The following MAPKAPK3 variants were observed in gnomAD, a reference collection of about 807,000 sequenced individuals.
MAPKAPK3 encodes MAP kinase-activated protein kinase 3.
MAPKAPK3 carries 35 observed loss-of-function variants against 49.2 expected under a neutral mutation model. The ratio of observed to expected loss-of-function variants is 0.71; its 90% CI spans 0.54 to 0.94. The LOEUF (loss-of-function observed/expected upper bound fraction) is 0.94. MAPKAPK3 is among the 40% of genes least tolerant of loss of function. The pLI, the probability that MAPKAPK3 is intolerant of heterozygous loss-of-function variation, is 0.00. For synonymous variants in MAPKAPK3, 178 were observed against 188.7 expected, an observed-to-expected ratio of 0.94 and a Z score of 0.46; for missense variants, 398 against 493.1, an observed-to-expected ratio of 0.81 and a Z score of 1.83.
At chr3:50,615,322 T>C (rs939019811), upstream of MAPKAPK3, among the ~76,000 whole-genome samples, 1 of 125,766 alleles carries the variant, frequency 8.0e-6, no homozygotes, top group Non-Finnish European at 1.9e-5. Context: ...CATGTGTGTG[T>C]GCACATGTGC....
At chr3:50,637,548 C>T (rs1361894213) in intron 2 of MAPKAPK3, among the ~76,000 whole-genome samples, 1 of 151,050 alleles carries the variant, frequency 6.6e-6, no homozygotes, top group Non-Finnish European at 1.5e-5. Context: ...GGCAGAATGA[C>T]GTGAACCCGG....
chr3:50,613,431 C>A (rs1413658207), upstream of MAPKAPK3, among the ~76,000 whole-genome samples: 1 of 152,192 alleles, frequency 6.6e-6, no homozygotes, highest in African/African-American at 2.4e-5. Context: ...CCTGAGTTGG[C>A]CAGAAGCCAC....
intron 2 of MAPKAPK3, among the ~76,000 whole-genome samples, chr3:50,627,902 C>T (rs560363044): frequency 6.4e-4 from 97 of 152,074 alleles, no homozygotes; most frequent in Non-Finnish European, 7.6e-4. Context: ...CTGAGGAGAG[C>T]GATGGCTGCC....
chr3:50,623,326 G>A (rs2032654963), intron 2 of MAPKAPK3, among the ~76,000 whole-genome samples: 1 of 152,158 alleles, frequency 6.6e-6, no homozygotes. Flanking sequence ...TCCTGGGGAG[G>A]GCATCAAACC....
chr3:50,640,958 GCTT>G (rs889759156), intron 3 of MAPKAPK3, among the ~76,000 whole-genome samples: 1 of 152,170 alleles, frequency 6.6e-6, no homozygotes, highest in African/African-American at 2.4e-5. Context: ...TCCACCCTGG[GCTT>G]CTTCCTGTAA....
intron 3 of MAPKAPK3, among the ~76,000 whole-genome samples, chr3:50,641,189 C>A (rs566814102): frequency 1.9e-4 from 29 of 152,282 alleles, no homozygotes; most frequent in Admixed American, 1.7e-3. Context: ...ATTGCATATT[C>A]AATCTGCATG....
At chr3:50,639,335 C>T (rs771828176) in intron 2 of MAPKAPK3, among the ~76,000 whole-genome samples, 5 of 152,152 alleles carry the variant, frequency 3.3e-5, no homozygotes, top group African/African-American at 4.8e-5. Context: ...GTCCTCCCTT[C>T]CCCCAGTCTC....
chr3:50,640,298 T>C lies in MAPKAPK3; in HGVS notation c.220-68T>C. 9 of 1,525,550 alleles carry C rather than the reference T, an allele frequency of 5.9e-6. No homozygotes were observed. The South Asian group carries it at 1.1e-4, about 18-fold the overall frequency. The allele number at this position is 1,525,550 out of a possible 1,614,324, so 94.5% of individuals were successfully genotyped here. A position where few individuals can be genotyped will look rare whatever the true frequency, so the allele number is the denominator to read the frequency against. On this transcript the variant is annotated intron_variant, in intron 2 of 10. Transcript: ENST00000621469. ...CAGGTCACAGGCCTCAGAGCTTATA[T>C]GTTTTTGTCTGCAAAATGATGGTAG...
chr3:50,634,461 T>G (rs999950914), intron 2 of MAPKAPK3, among the ~76,000 whole-genome samples: 1 of 151,400 alleles, frequency 6.6e-6, no homozygotes, highest in Non-Finnish European at 1.5e-5. Flanking sequence ...GCCCGTTGGG[T>G]TGTCAGAAAT....
At chr3:50,625,144 G>T (rs958265449) in intron 2 of MAPKAPK3, among the ~76,000 whole-genome samples, 6 of 152,038 alleles carry the variant, frequency 3.9e-5, no homozygotes, top group Non-Finnish European at 8.8e-5. Context: ...TGAACCCTGG[G>T]TTTGAATATG....
chr3:50,617,658 G>A lies in MAPKAPK3; in HGVS notation c.93G>A (p.Arg31=). Residue 31 remains arginine (R), a synonymous_variant, in exon 2 of 11, where the codon CGG becomes CGA. Coordinates refer to ENST00000621469, the MANE Select transcript of MAPKAPK3 (RefSeq NM_001243925.2). ...GPGLGGAPGG[R]REPKKYAVTD... ...GCTTGGGCGGTGCTCCGGGGGGGCG[G>A]CGGGAGCCCAAGAAGTACGCAGTGA... is the stretch of plus-strand genomic sequence containing the variant. 6.2e-7 allele frequency: 1 copy of A among 1,611,388 alleles called. No homozygotes were observed. The highest frequency in any genetic ancestry group is 8.5e-7 in the Non-Finnish European group (1 of 1,178,326).
rs1006967716 is a variant in MAPKAPK3, at chr3:50,634,965, G to A, written c.220-5401G>A. ...CTATGGTAGGTACTTTGCAAGGAACGCCTGTCTAGAAGTCTGCCTTGTTAC... is the reference window on the plus strand; with the variant it reads ...CTATGGTAGGTACTTTGCAAGGAACACCTGTCTAGAAGTCTGCCTTGTTAC... On this transcript the variant is annotated intron_variant, in intron 2 of 10. Transcript: ENST00000621469. 3.3e-5 allele frequency among the ~76,000 whole-genome samples: 5 copies of A among 152,186 alleles called. No homozygotes were observed. The South Asian group carries it at 8.3e-4, about 25-fold the overall frequency.
exon 1 of MAPKAPK3, chr3:50,611,962 GC>G (rs1196810175): frequency 7.1e-5 from 29 of 409,394 alleles, no homozygotes; most frequent in Middle Eastern, 6.2e-4. Context: ...CGGGTCTGGG[GC>G]CCTGAGCAGT....
upstream of MAPKAPK3, chr3:50,611,701 G>A (rs1286435948): frequency 6.9e-7 from 1 of 1,452,186 alleles, no homozygotes; most frequent in Admixed American, 3.0e-5. Flanking sequence ...GGACGGCGGC[G>A]GCTGGAGGGA....
Position 50,617,587 on chromosome 3 carries a change from GAGCAGGGGGGCCC to G in MAPKAPK3, c.23_35del (p.Glu8ValfsTer28). 1.3e-6 allele frequency: 2 copies of G among 1,584,084 alleles called. No individual in the cohort carries two copies. The highest frequency in any genetic ancestry group is 1.7e-6 in the Non-Finnish European group (2 of 1,155,976). Reference sequence around the variant, plus strand: ...GGCCATGGATGGTGAAACAGCAGAGGAGCAGGGGGGCCCTGTGCCCCCGCCAGTTGCACCCGGC... The same window carrying G: ...GGCCATGGATGGTGAAACAGCAGAGGTGTGCCCCCGCCAGTTGCACCCGGC... On this transcript the variant is annotated frameshift_variant, in exon 2 of 11. Transcript: ENST00000621469. LOFTEE classifies it high-confidence loss of function.
chr3:50,623,072 T>A (rs1034181915), intron 2 of MAPKAPK3, among the ~76,000 whole-genome samples: 1 of 152,184 alleles, frequency 6.6e-6, no homozygotes, highest in African/African-American at 2.4e-5. Flanking sequence ...CTTTTTCATT[T>A]GGCAGCCATC....
intron 3 of MAPKAPK3, among the ~76,000 whole-genome samples, chr3:50,640,926 G>C (rs970834187): frequency 4.6e-5 from 7 of 152,212 alleles, no homozygotes; most frequent in Non-Finnish European, 1.0e-4. Context: ...TTGGGGCCTA[G>C]AACCAGGAGC....
chr3:50,618,163 C>G (rs2032519324), intron 2 of MAPKAPK3, among the ~76,000 whole-genome samples: 2 of 152,192 alleles, frequency 1.3e-5, no homozygotes, highest in Admixed American at 1.3e-4. Flanking sequence ...TGGAATGGAT[C>G]TGTTTCCCTT....
chr3:50,617,490 A>ACTC (rs2032497737), intron 1 of MAPKAPK3, 24 bp from the exon 2 acceptor site: 1 of 726,172 alleles, frequency 1.4e-6, no homozygotes, highest in African/African-American at 1.8e-5. Context: ...TCTGGGCGGG[A>ACTC]CTCACTCTTC....
Sources: gnomAD v4.1 joint callset for allele counts (sites outside exome capture counted in the v4.1 genomes callset) on GRCh38, gnomAD v4.1.1 for gene constraint, MANE v1.5 for transcripts, NCBI Gene and HGNC (gene_info 2026-07-23, HGNC 2026-07-21) for gene names.